Variants in GCC2 observed in about 807,000 individuals in gnomAD.
The protein encoded by GCC2 is GRIP and coiled-coil domain-containing protein 2.
Under a neutral mutation model 210.6 loss-of-function variants are expected in GCC2, and 120 were observed. The observed-to-expected ratio is 0.57, with a 90% confidence interval of 0.49 to 0.66. GCC2 has a LOEUF of 0.66. GCC2 is among the 30% of genes least tolerant of loss of function. The pLI is 0.00. For missense variants in GCC2, 1,868 were observed against 1,871.9 expected (o/e 1.00, Z 0.04); for synonymous variants, 703 against 652.7 (o/e 1.08, Z -1.17).
At chr2:108,473,329 G>T (rs1431101899) in intron 7 of GCC2, 1 of 142,898 alleles carries the variant, frequency 7.0e-6, no homozygotes, top group Non-Finnish European at 1.5e-5. Context: ...AAAAAAAAAA[G>T]CAGCGTAGAA....
At chr2:108,475,706 TAAAA>T in intron 8 of GCC2, 42 bp from the exon 9 acceptor site, 1 of 1,397,816 alleles carries the variant, frequency 7.2e-7, no homozygotes, top group East Asian at 2.4e-5. Flanking sequence ...TTCTATCCAT[TAAAA>T]AAAAACAAAA....
chr2:108,459,980 G>A (rs1247517452), intron 4 of GCC2, among the ~76,000 whole-genome samples: 1 of 151,688 alleles, frequency 6.6e-6, no homozygotes, highest in Non-Finnish European at 1.5e-5. Context: ...CTCCCAAGTA[G>A]CTGGGATTAT....
At chr2:108,473,565 A>G (rs1423939084) in intron 7 of GCC2, among the ~76,000 whole-genome samples, 1 of 152,150 alleles carries the variant, frequency 6.6e-6, no homozygotes, top group East Asian at 1.9e-4. Context: ...CAGTAACATT[A>G]TAGGATAGCT....
In GCC2 at chr2:108,489,375, C is replaced by T. The variant is rs924786034; in HGVS notation, c.4053-463C>T. ...TACTAAAAATAAAAAATTAGCTGAG[C>T]GTGGTGGTGGGTGCCTGTAGTCCTA... On this transcript the variant is annotated intron_variant, in intron 17 of 22. Coordinates refer to ENST00000309863, the MANE Select transcript of GCC2 (RefSeq NM_181453.4). Among the ~76,000 whole-genome samples, 4 of 152,120 alleles carry T rather than the reference C, an allele frequency of 2.6e-5. No individual in the cohort carries two copies. In the East Asian group the frequency reaches 5.8e-4, roughly 22 times the overall value.
intron 4 of GCC2, among the ~76,000 whole-genome samples, chr2:108,463,943 A>G (rs1483838888): frequency 6.6e-6 from 1 of 152,060 alleles, no homozygotes. Context: ...CCCCAGGTTG[A>G]GTGCGCAGGT....
chr2:108,456,894 A>G (rs1680304463), intron 4 of GCC2, among the ~76,000 whole-genome samples: 1 of 151,168 alleles, frequency 6.6e-6, no homozygotes, highest in South Asian at 2.1e-4. Flanking sequence ...GGCTGCTGTG[A>G]GCCATAATCA....
intron 4 of GCC2, among the ~76,000 whole-genome samples, chr2:108,453,090 TATATA>T (rs1228054154): frequency 6.6e-6 from 1 of 152,232 alleles, no homozygotes; most frequent in Non-Finnish European, 1.5e-5. Context: ...AGGTGTACAG[TATATA>T]ATCTATAGAT....
At position 108,475,590 on chromosome 2, in the gene GCC2, A is replaced by G; in HGVS notation, c.2916A>G (p.Leu972=). ...EKEEKINKIK[L]VAVKAKKELD... is the part of the protein sequence containing the mutation. ...AGGAGAAAATAAATAAGATAAAATT[A>G]GTTGCCGTAAAGGCAAAGAAAGAAC... The change falls in exon 8 of 23, where the codon TTA becomes TTG. Residue 972 remains leucine (L), a synonymous_variant. Coordinates refer to ENST00000309863, the MANE Select transcript of GCC2 (RefSeq NM_181453.4). 1.9e-6 allele frequency: 3 copies of G among 1,541,286 alleles called. No individual in the cohort carries two copies. The highest frequency in any genetic ancestry group is 2.6e-6 in the Non-Finnish European group (3 of 1,147,068).
chr2:108,486,898 G>A (rs1285884516), intron 16 of GCC2, among the ~76,000 whole-genome samples: 1 of 152,172 alleles, frequency 6.6e-6, no homozygotes, highest in Admixed American at 6.5e-5. Flanking sequence ...TGCAATTTAT[G>A]TGTCACTTAT....
intron 4 of GCC2, among the ~76,000 whole-genome samples, chr2:108,466,311 G>A (rs1447088721): frequency 6.6e-6 from 1 of 152,050 alleles, no homozygotes; most frequent in Admixed American, 6.6e-5. Context: ...AAAGTGCTGG[G>A]ATTACAGGCA....
At chr2:108,500,028 C>T (rs2556232) in intron 22 of GCC2, among the ~76,000 whole-genome samples, 5 of 148,716 alleles carry the variant, frequency 3.4e-5, no homozygotes, top group Admixed American at 1.3e-4. Flanking sequence ...CCTGGTGTTG[C>T]GTTCTGGTGT....
At chr2:108,505,048 C>G (rs571034581) in intron 22 of GCC2, among the ~76,000 whole-genome samples, 13 of 152,192 alleles carry the variant, frequency 8.5e-5, no homozygotes, top group Non-Finnish European at 1.8e-4. Flanking sequence ...GCAAATGCAT[C>G]CTATCTTAGC....
At chr2:108,468,955 G>T in intron 4 of GCC2, 25 bp from the exon 5 acceptor site, 1 of 1,481,982 alleles carries the variant, frequency 6.7e-7, no homozygotes, top group Non-Finnish European at 9.4e-7. Flanking sequence ...TTAACCCCAG[G>T]CAAATAAATC....
At chr2:108,456,106 T>A (rs748165381) in intron 4 of GCC2, among the ~76,000 whole-genome samples, 3 of 152,204 alleles carry the variant, frequency 2.0e-5, no homozygotes, top group Non-Finnish European at 4.4e-5. Flanking sequence ...TGCCTCAGCG[T>A]CCTGAGTAGC....
At chr2:108,506,844 T>C (rs1409609376) in intron 22 of GCC2, among the ~76,000 whole-genome samples, 1 of 152,168 alleles carries the variant, frequency 6.6e-6, no homozygotes, top group Non-Finnish European at 1.5e-5. Flanking sequence ...AACATCAAAG[T>C]ATATTGTGAG....
chr2:108,460,634 T>C (rs978850500), intron 4 of GCC2, among the ~76,000 whole-genome samples: 1 of 152,226 alleles, frequency 6.6e-6, no homozygotes, highest in African/African-American at 2.4e-5. Flanking sequence ...TAGTAATGAA[T>C]TCCCTCAGCT....
rs1681126568 is a variant in GCC2 at position 108,470,312 on chromosome 2, AAGT to A, written c.988_990del (p.Val330del). The A allele has an allele frequency of 2.5e-6, 4 of 1,612,386 alleles. No homozygotes were observed. The Admixed American group carries it at 6.7e-5, about 27-fold the overall frequency. Reference sequence around the variant, plus strand: ...TTGCAAGAAAATACATTTGTAGAACAAGTAGTAAATGAAAAAGTCAAACACTTA... The same window carrying A: ...TTGCAAGAAAATACATTTGTAGAACAAGTAAATGAAAAAGTCAAACACTTA... On this transcript the variant is annotated inframe_deletion, in exon 6 of 23. Transcript: ENST00000309863.
In GCC2 at chr2:108,472,810, T is replaced by C. The variant is rs780799734; in HGVS notation, c.2788-17T>C. 22 of 1,444,460 alleles carry C rather than the reference T, an allele frequency of 1.5e-5. No homozygotes were observed. The highest frequency in any genetic ancestry group is 2.4e-5 in the South Asian group (2 of 81,922). The allele number at this position is 1,444,460 out of a possible 1,614,324, so 89.5% of individuals were successfully genotyped here. On this transcript the variant is annotated splice_polypyrimidine_tract_variant and intron_variant, in intron 6 of 22. Transcript: ENST00000309863. The stretch of plus-strand genomic sequence containing the variant: ...TTTTGTTTTGTTTTGTGTTTTTTTT[T>C]CCCCTGTAAAATCTAGGATTCCTTA...
chr2:108,475,527 A>AT lies in GCC2; in HGVS notation c.2861-3dup. 7.5e-7 allele frequency: 1 copy of AT among 1,325,908 alleles called. No homozygotes were observed. The highest frequency in any genetic ancestry group is 1.0e-6 in the Non-Finnish European group (1 of 965,660). The allele number at this position is 1,325,908 out of a possible 1,614,324, so 82.1% of individuals were successfully genotyped here. A position where few individuals can be genotyped will look rare whatever the true frequency, so the allele number is the denominator to read the frequency against. Reference sequence around the variant, plus strand: ...TTCGTATGTAATCCATTTATTTTCTATTTTTAGAAAATCTGGAAAAAGAAT... The same window carrying AT: ...TTCGTATGTAATCCATTTATTTTCTATTTTTTAGAAAATCTGGAAAAAGAAT... On this transcript the variant is annotated splice_region_variant and splice_polypyrimidine_tract_variant and intron_variant, in intron 7 of 22. Coordinates refer to ENST00000309863, the MANE Select transcript of GCC2 (RefSeq NM_181453.4).
Sources: gnomAD v4.1 joint callset for allele counts (sites outside exome capture counted in the v4.1 genomes callset) on GRCh38, gnomAD v4.1.1 for gene constraint, MANE v1.5 for transcripts, NCBI Gene and HGNC (gene_info 2026-07-23, HGNC 2026-07-21) for gene names.